Variants in RBMS3 observed in about 807,000 individuals in gnomAD.
The protein encoded by RBMS3 is RNA-binding motif, single-stranded-interacting protein 3.
In RBMS3, 27 loss-of-function variants were observed where a neutral mutation model predicts 66.8. That is an observed-to-expected ratio of 0.40 (90% CI 0.30 to 0.56). The LOEUF (loss-of-function observed/expected upper bound fraction) is 0.56, where lower values mean the gene tolerates loss of function less well. Ranked by LOEUF, RBMS3 falls within the 20% of genes least tolerant of loss-of-function variation. The pLI is 0.40. For synonymous variants in RBMS3, 188 were observed against 183.0 expected (o/e 1.03, Z -0.22); for missense variants, 513 against 549.5 (o/e 0.93, Z 0.66).
chr3:29,956,338 C>G (rs1218511891), intron 12 of RBMS3, among the ~76,000 whole-genome samples: 8 of 152,056 alleles, frequency 5.3e-5, no homozygotes, highest in Admixed American at 3.3e-4. Context: ...TGAAAACTCT[C>G]AAAGTTTTCT....
At chr3:29,500,267 T>C (rs1009637643) in intron 3 of RBMS3, among the ~76,000 whole-genome samples, 5 of 151,414 alleles carry the variant, frequency 3.3e-5, no homozygotes, top group Non-Finnish European at 7.4e-5. Context: ...TATTTCTTTT[T>C]ATAGGGAAGC....
chr3:29,383,826 TC>T (rs1042198604), intron 1 of RBMS3, among the ~76,000 whole-genome samples: 4 of 152,210 alleles, frequency 2.6e-5, no homozygotes, highest in African/African-American at 9.7e-5. Context: ...CCGTAAGTTT[TC>T]AGTGTCTTTA....
chr3:29,420,560 GT>G (rs1553600813), intron 1 of RBMS3, among the ~76,000 whole-genome samples: 2 of 123,352 alleles, frequency 1.6e-5, no homozygotes, highest in Admixed American at 9.0e-5. Flanking sequence ...ACTTAGGTTT[GT>G]TTTTTTTTGT....
chr3:29,413,096 C>A (rs117952313), intron 1 of RBMS3, among the ~76,000 whole-genome samples: 1 of 152,164 alleles, frequency 6.6e-6, no homozygotes, highest in South Asian at 2.1e-4. Flanking sequence ...GAAAGCCAGG[C>A]GCGGTGGCTC....
At chr3:29,964,050 A>G (rs1222989607) in intron 12 of RBMS3, among the ~76,000 whole-genome samples, 1 of 152,214 alleles carries the variant, frequency 6.6e-6, no homozygotes, top group Non-Finnish European at 1.5e-5. Context: ...TCCATAGAAT[A>G]TAATTCAGAA....
intron 6 of RBMS3, among the ~76,000 whole-genome samples, chr3:29,797,986 C>A (rs1324461959): frequency 6.6e-6 from 1 of 151,786 alleles, no homozygotes; most frequent in Non-Finnish European, 1.5e-5. Context: ...GGCCTAATTT[C>A]AATATTGTTG....
chr3:29,519,931 A>T (rs2044789066), intron 3 of RBMS3, among the ~76,000 whole-genome samples: 1 of 152,198 alleles, frequency 6.6e-6, no homozygotes, highest in Non-Finnish European at 1.5e-5. Context: ...CTCCAGTTAA[A>T]TTTGAATTTC....
intron 7 of RBMS3, among the ~76,000 whole-genome samples, chr3:29,876,984 A>G (rs2059623987): frequency 1.3e-5 from 2 of 152,188 alleles, no homozygotes; most frequent in South Asian, 4.1e-4. Context: ...CTCATAACAC[A>G]ATGGTGTGAC....
At chr3:29,760,863 T>C (rs760658899) in intron 5 of RBMS3, among the ~76,000 whole-genome samples, 30 of 152,134 alleles carry the variant, frequency 2.0e-4, no homozygotes, top group Non-Finnish European at 3.8e-4. Flanking sequence ...GTTTTTGTTT[T>C]TATTTTTATC....
chr3:29,440,948 C>G (rs114808196), intron 2 of RBMS3, among the ~76,000 whole-genome samples: 135 of 152,274 alleles, frequency 8.9e-4, no homozygotes, highest in African/African-American at 3.1e-3. Flanking sequence ...TCATGCACTC[C>G]AGGGTAAACA....
At chr3:29,682,824 G>C (rs1159318386) in intron 4 of RBMS3, among the ~76,000 whole-genome samples, 1 of 152,254 alleles carries the variant, frequency 6.6e-6, no homozygotes, top group African/African-American at 2.4e-5. Context: ...GAAAGAGAGA[G>C]AGAGAAGGAG....
intron 5 of RBMS3, among the ~76,000 whole-genome samples, chr3:29,758,830 G>T (rs1232861500): frequency 6.6e-6 from 1 of 152,148 alleles, no homozygotes; most frequent in African/African-American, 2.4e-5. Context: ...CTGTGCATAC[G>T]TAAATCTTAC....
chr3:29,933,311 T>A (rs1337703277), intron 10 of RBMS3, among the ~76,000 whole-genome samples: 1 of 152,182 alleles, frequency 6.6e-6, no homozygotes, highest in Non-Finnish European at 1.5e-5. Flanking sequence ...CTTTTCTTCT[T>A]TTGTATTTAT....
chr3:29,831,468 A>C (rs1037684856), intron 6 of RBMS3, among the ~76,000 whole-genome samples: 1 of 152,180 alleles, frequency 6.6e-6, no homozygotes, highest in Non-Finnish European at 1.5e-5. Context: ...TCTCAAAAAT[A>C]ATACTAAATG....
At chr3:29,747,326 A>C (rs2054947808) in intron 5 of RBMS3, among the ~76,000 whole-genome samples, 7 of 152,084 alleles carry the variant, frequency 4.6e-5, no homozygotes, top group Admixed American at 4.6e-4. Context: ...GCAGTTATAT[A>C]AACTCTCTGA....
chr3:29,681,428 G>C (rs192627503), intron 4 of RBMS3, among the ~76,000 whole-genome samples: 2 of 152,104 alleles, frequency 1.3e-5, no homozygotes, highest in East Asian at 1.9e-4. Context: ...TGGTGGTTTG[G>C]ATCACATATT....
At chr3:29,795,843 G>A (rs557419612) in intron 6 of RBMS3, among the ~76,000 whole-genome samples, 11 of 152,260 alleles carry the variant, frequency 7.2e-5, no homozygotes, top group South Asian at 2.1e-4. Flanking sequence ...TTGAAAAATA[G>A]GAATTAATGG....
rs2048726286 is a variant in RBMS3 at position 29,617,994 on chromosome 3, TAAA to T, written c.399+30791_399+30793del. Among the ~76,000 whole-genome samples, 3 of 152,192 alleles carry T rather than the reference TAAA, an allele frequency of 2.0e-5. No individual in the cohort carries two copies. In the South Asian group the frequency reaches 6.2e-4, roughly 32 times the overall value. ...AAATGATACATGCTACCTTTTTAGA[TAAA>T]AGAAGTAGGGAGGCTACATCCATAT... On this transcript the variant is annotated intron_variant, in intron 4 of 14. Coordinates refer to ENST00000383767, the MANE Select transcript of RBMS3 (RefSeq NM_001003793.3).
intron 6 of RBMS3, among the ~76,000 whole-genome samples, chr3:29,820,666 C>T (rs2058056540): frequency 6.6e-6 from 1 of 152,150 alleles, no homozygotes; most frequent in South Asian, 2.1e-4. Context: ...CATTCAAAGT[C>T]CTTTTCCTGT....
Sources: allele counts gnomAD v4.1 joint callset (sites outside exome capture counted in the v4.1 genomes callset), GRCh38; gene constraint gnomAD v4.1.1; transcripts MANE v1.5; gene names NCBI Gene and HGNC (gene_info 2026-07-23, HGNC 2026-07-21).